Variants in AUTS2 observed in about 807,000 individuals in gnomAD.
AUTS2 encodes autism susceptibility gene 2 protein.
In AUTS2, 17 loss-of-function variants were observed where a neutral mutation model predicts 112.4. The ratio of observed to expected loss-of-function variants is 0.15; its 90% confidence interval spans 0.10 to 0.23. The LOEUF (loss-of-function observed/expected upper bound fraction) is 0.23, where lower values mean the gene tolerates loss of function less well. Ranked by LOEUF, AUTS2 falls within the 10% of genes least tolerant of loss-of-function variation. AUTS2 has a pLI of 1.00. For missense variants in AUTS2, 1,510 were observed against 1,701.6 expected (o/e 0.89, Z 1.98); for synonymous variants, 751 against 702.7 (o/e 1.07, Z -1.09).
intron 1 of AUTS2, among the ~76,000 whole-genome samples, chr7:69,642,458 G>A (rs1583993659): frequency 1.3e-5 from 2 of 152,288 alleles, no homozygotes; most frequent in South Asian, 4.1e-4. Flanking sequence ...AATGTGGGAA[G>A]AACTGTACTT....
At chr7:69,629,638 A>G (rs1406652330) in intron 1 of AUTS2, among the ~76,000 whole-genome samples, 12 of 152,154 alleles carry the variant, frequency 7.9e-5, no homozygotes. Flanking sequence ...GTAATGTAGT[A>G]AATGTAATGG....
intron 1 of AUTS2, among the ~76,000 whole-genome samples, chr7:69,705,545 A>C (rs1798027458): frequency 1.3e-5 from 2 of 152,244 alleles, no homozygotes; most frequent in Non-Finnish European, 2.9e-5. Context: ...AGCTATATCA[A>C]ATAGCACCTA....
chr7:70,783,322 G>C (rs562825701), intron 15 of AUTS2: 5 of 152,178 alleles, frequency 3.3e-5, no homozygotes, highest in Admixed American at 3.3e-4. Context: ...GGGCTGAATA[G>C]ATAACTCCTC....
At chr7:69,881,299 T>C (rs1299221363) in intron 1 of AUTS2, among the ~76,000 whole-genome samples, 1 of 152,120 alleles carries the variant, frequency 6.6e-6, no homozygotes, top group Non-Finnish European at 1.5e-5. Flanking sequence ...TCTTTCCCTG[T>C]TCCATTAAGC....
chr7:69,999,918 G>A (rs1284676162), intron 2 of AUTS2, among the ~76,000 whole-genome samples: 1 of 152,198 alleles, frequency 6.6e-6, no homozygotes, highest in African/African-American at 2.4e-5. Context: ...ATGGAAAGTT[G>A]TTCTACCAGG....
At chr7:69,717,155 C>A (rs190330736) in intron 1 of AUTS2, among the ~76,000 whole-genome samples, 3 of 152,224 alleles carry the variant, frequency 2.0e-5, no homozygotes, top group Admixed American at 6.5e-5. Flanking sequence ...TTTTTCTCCC[C>A]TTTGAGGAGG....
intron 4 of AUTS2, among the ~76,000 whole-genome samples, chr7:70,176,222 C>A (rs1808978193): frequency 6.6e-6 from 1 of 152,042 alleles, no homozygotes; most frequent in African/African-American, 2.4e-5. Context: ...GGAATATTCT[C>A]AATGTAGGAA....
chr7:70,381,894 A>G lies in AUTS2; in HGVS notation c.661-53858A>G, dbSNP rs1474419282. Among the ~76,000 whole-genome samples the G allele has an allele frequency of 2.0e-5, 3 of 152,282 alleles. No individual in the cohort carries two copies. The East Asian group carries it at 5.8e-4, about 29-fold the overall frequency. The stretch of plus-strand genomic sequence containing the variant: ...TTTCAAAGTTGTTATTTCTTTATTC[A>G]GTCAGTAAACACTTTTTGAGTGTAT... On this transcript the variant is annotated intron_variant, in intron 4 of 18. Transcript: ENST00000342771.
At chr7:69,824,890 G>A (rs536399013) in intron 1 of AUTS2, among the ~76,000 whole-genome samples, 8 of 152,272 alleles carry the variant, frequency 5.3e-5, no homozygotes, top group African/African-American at 7.2e-5. Flanking sequence ...CGGAGATTGC[G>A]CAATAAGACT....
Position 70,211,878 on chromosome 7 carries a change from C to T in AUTS2, c.660+77307C>T, listed in dbSNP as rs187872039. 2.1e-3 allele frequency among the ~76,000 whole-genome samples: 313 copies of T among 151,814 alleles called. 2 individuals carry two copies. The highest frequency in any genetic ancestry group is 0.017 in the Middle Eastern group (5 of 294). ...GCGGGCGTCTGTAGTCCCAGCTACT[C>T]GGGCGGCTGAGGCAGGAGAATGGAG... is the stretch of plus-strand genomic sequence containing the variant. On this transcript the variant is annotated intron_variant, in intron 4 of 18. Coordinates refer to ENST00000342771, the MANE Select transcript of AUTS2 (RefSeq NM_015570.4).
At chr7:70,741,717 AAG>A (rs1788123385) in intron 6 of AUTS2, among the ~76,000 whole-genome samples, 1 of 152,102 alleles carries the variant, frequency 6.6e-6, no homozygotes, top group Non-Finnish European at 1.5e-5. Context: ...AGAAAAAAAA[AAG>A]AAATGCTACA....
At chr7:69,816,973 C>G (rs1790789969) in intron 1 of AUTS2, among the ~76,000 whole-genome samples, 1 of 152,190 alleles carries the variant, frequency 6.6e-6, no homozygotes. Flanking sequence ...TCTGTTACCT[C>G]TTGGAACCTC....
rs140094055 is a variant in AUTS2, at chr7:70,655,807, C to T, written c.691-42762C>T. Among the ~76,000 whole-genome samples the T allele has an allele frequency of 8.5e-5, 13 of 152,300 alleles. No homozygotes were observed. In the East Asian group the frequency reaches 2.5e-3, roughly 29 times the overall value. On this transcript the variant is annotated intron_variant, in intron 5 of 18. Transcript: ENST00000342771. Reference sequence around the variant, plus strand: ...GGGGGAGCAGCCAACCCAGGTCTGCCACACCCAGCTGAACCCCCTAGACAG... The same window carrying T: ...GGGGGAGCAGCCAACCCAGGTCTGCTACACCCAGCTGAACCCCCTAGACAG...
intron 4 of AUTS2, among the ~76,000 whole-genome samples, chr7:70,204,945 G>GA (rs994581464): frequency 3.9e-4 from 59 of 150,636 alleles, no homozygotes; most frequent in African/African-American, 3.9e-4. Context: ...GGTCTATAGG[G>GA]AAAAAAAAAG....
At chr7:70,502,347 G>A (rs1280102214) in intron 5 of AUTS2, among the ~76,000 whole-genome samples, 6 of 152,144 alleles carry the variant, frequency 3.9e-5, no homozygotes, top group Admixed American at 3.3e-4. Flanking sequence ...ACACACTATC[G>A]ACAGCAAATG....
intron 1 of AUTS2, among the ~76,000 whole-genome samples, chr7:69,872,834 CTTTTT>C (rs1164356683): frequency 3.8e-4 from 27 of 70,412 alleles, no homozygotes; most frequent in African/African-American, 5.6e-4. Flanking sequence ...AGCCTATATT[CTTTTT>C]TTTTTTTTTT....
intron 4 of AUTS2, among the ~76,000 whole-genome samples, chr7:70,347,055 G>A (rs1033730709): frequency 2.4e-4 from 37 of 152,300 alleles, no homozygotes; most frequent in African/African-American, 8.4e-4. Context: ...AGCAGCCTGT[G>A]TCTTCTCCTT....
Position 69,994,776 on chromosome 7 carries a change from T to C in AUTS2, c.522+95278T>C, listed in dbSNP as rs151226828. ...AGGTACACTTTCTTGCAGTCCCTTCTACCAGGTAGACATGCAAGAATTAAC... is the reference window on the plus strand; with the variant it reads ...AGGTACACTTTCTTGCAGTCCCTTCCACCAGGTAGACATGCAAGAATTAAC... On this transcript the variant is annotated intron_variant, in intron 2 of 18. Coordinates refer to ENST00000342771, the MANE Select transcript of AUTS2 (RefSeq NM_015570.4). Among the ~76,000 whole-genome samples the C allele has an allele frequency of 8.5e-5, 13 of 152,328 alleles. No individual in the cohort carries two copies. In the East Asian group the frequency reaches 2.5e-3, roughly 29 times the overall value.
chr7:70,618,176 AG>A (rs1804477816), intron 5 of AUTS2, among the ~76,000 whole-genome samples: 1 of 152,226 alleles, frequency 6.6e-6, no homozygotes, highest in Non-Finnish European at 1.5e-5. Context: ...TGAGAGAACA[AG>A]GCATTAACAC....
Sources: gnomAD v4.1 joint callset for allele counts (sites outside exome capture counted in the v4.1 genomes callset) on GRCh38, gnomAD v4.1.1 for gene constraint, MANE v1.5 for transcripts, NCBI Gene and HGNC (gene_info 2026-07-23, HGNC 2026-07-21) for gene names.